The following NUP98 variants were observed in gnomAD, a reference collection of about 807,000 sequenced individuals.
The protein encoded by NUP98 is nucleoporin 98 and 96 precursor.
Under a neutral mutation model 191.9 loss-of-function variants are expected in NUP98, and 26 were observed. The ratio of observed to expected loss-of-function variants is 0.14; its 90% CI spans 0.10 to 0.19. The LOEUF (loss-of-function observed/expected upper bound fraction) is 0.19, where lower values mean the gene tolerates loss of function less well. Ranked by LOEUF, NUP98 falls within the 10% of genes least tolerant of loss-of-function variation. The probability of loss-of-function intolerance (pLI) is 1.00; values close to 1 mark genes in which losing one functional copy is unlikely to be tolerated. For synonymous variants in NUP98, 808 were observed against 778.4 expected (o/e 1.04, Z -0.63); for missense variants, 1,941 against 2,178.8 (o/e 0.89, Z 2.17).
chr11:3,780,959 C>T (rs1038290869), intron 2 of NUP98, among the ~76,000 whole-genome samples: 2 of 151,244 alleles, frequency 1.3e-5, no homozygotes, highest in Admixed American at 6.6e-5. Flanking sequence ...ATACACCTGT[C>T]ATCCCAGCTA....
At chr11:3,782,182 C>A in intron 1 of NUP98, 37 bp from the exon 2 acceptor site, 1 of 1,103,240 alleles carries the variant, frequency 9.1e-7, no homozygotes, top group East Asian at 2.4e-5. Context: ...TCTTAAAGAC[C>A]ACAAAATGGA....
intron 1 of NUP98, among the ~76,000 whole-genome samples, chr11:3,786,078 A>AT (rs2082131016): frequency 6.6e-6 from 1 of 152,178 alleles, no homozygotes; most frequent in African/African-American, 2.4e-5. Context: ...CGATGTAGGT[A>AT]TTTTTATCTC....
intron 1 of NUP98, among the ~76,000 whole-genome samples, chr11:3,792,659 G>A (rs1403129075): frequency 6.6e-6 from 1 of 151,990 alleles, no homozygotes; most frequent in Non-Finnish European, 1.5e-5. Flanking sequence ...AAGAAGATCT[G>A]CATAACTCAG....
rs2077789757 is a variant in NUP98, at chr11:3,675,809, T to C, written c.*350A>G. On this transcript the variant is annotated 3_prime_UTR_variant, in exon 33 of 33. Transcript: ENST00000324932. ...GCCAGGGTAGGAGTAGGGAAGCTGGTTGGCATGGAGGGTCACAAGATCCAG... is the reference window on the plus strand; with the variant it reads ...GCCAGGGTAGGAGTAGGGAAGCTGGCTGGCATGGAGGGTCACAAGATCCAG... 2 of 391,888 alleles carry C rather than the reference T, an allele frequency of 5.1e-6. No homozygotes were observed. Among genetic ancestry groups the C allele is most frequent in the East Asian group, 4.4e-5 (1 of 22,860 alleles). The allele number at this position is 391,888 out of a possible 1,614,324, so 24.3% of individuals were successfully genotyped here.
chr11:3,793,803 T>C (rs1386967750), intron 1 of NUP98, among the ~76,000 whole-genome samples: 1 of 151,746 alleles, frequency 6.6e-6, no homozygotes, highest in Non-Finnish European at 1.5e-5. Flanking sequence ...AAAGCCTGTC[T>C]CTACTAAAAA....
chr11:3,701,068 A>C (rs1295631648), intron 23 of NUP98, among the ~76,000 whole-genome samples: 1 of 152,200 alleles, frequency 6.6e-6, no homozygotes, highest in East Asian at 1.9e-4. Context: ...TTCTTAGGCC[A>C]GGTTATAACA....
At position 3,735,294 on chromosome 11, in the gene NUP98, T is replaced by G; in HGVS notation, c.1439A>C (p.Gln480Pro). Residue 480 changes from glutamine (Q) to proline (P), a missense_variant, in exon 13 of 33, where the codon CAG becomes CCG. Physicochemically the swap from Gln to Pro is moderately conservative, Grantham distance 76. Around this residue, in one of 6 missense-constraint regions of NUP98, gnomAD observed 453 missense variants for 438.2 expected, o/e 1.03. Coordinates refer to ENST00000324932, the MANE Select transcript of NUP98 (RefSeq NM_016320.5). ...GATGTGCTGCTGGAGAACAGCCTGC[T>G]GGGCAGCAGAAGCATTTGGATCTGT... ...ALTDPNASAA[Q>P]QAVLQQHINS... 6.4e-7 allele frequency: 1 copy of G among 1,567,312 alleles called. No homozygotes were observed. The highest frequency in any genetic ancestry group is 8.7e-7 in the Non-Finnish European group (1 of 1,154,698).
Position 3,706,431 on chromosome 11 carries a change from G to T in NUP98, c.2925+14C>A, listed in dbSNP as rs2060799. ...TTGGCTTTCTGTTACAAAAAAGGTG[G>T]GTTAGAACTTCACCTGTAAGACATG... On this transcript the variant is annotated intron_variant, in intron 21 of 32. Transcript: ENST00000324932. 0.056 allele frequency: 91,041 copies of T among 1,612,238 alleles called. 3,074 individuals carry two copies. The highest frequency in any genetic ancestry group is 0.12 in the African/African-American group (8,714 of 74,928).
chr11:3,774,709 A>G (rs1376022474), intron 5 of NUP98, among the ~76,000 whole-genome samples: 1 of 148,576 alleles, frequency 6.7e-6, no homozygotes, highest in African/African-American at 2.4e-5. Context: ...TCTGTCTCCA[A>G]AAAAAAAAAA....
chr11:3,735,226 G>T lies in NUP98; in HGVS notation c.1507C>A (p.Arg503=), dbSNP rs765060054. The change falls in exon 13 of 33, where the codon CGG becomes AGG. Residue 503 remains arginine, a synonymous_variant. Transcript: ENST00000324932. ...YSPFGDSPLF[R]NPMSDPKKKE... is the part of the protein sequence containing the mutation. The stretch of plus-strand genomic sequence containing the variant: ...TTCTTAGGGTCTGACATCGGATTCC[G>T]GAAGAGAGGAGAGTCTCCAAAAGGT... 3.1e-6 allele frequency: 5 copies of T among 1,599,256 alleles called. No individual in the cohort carries two copies. The highest frequency in any genetic ancestry group is 4.3e-6 in the Non-Finnish European group (5 of 1,171,056).
chr11:3,782,032 A>G lies in NUP98; in HGVS notation c.76+10T>C. On this transcript the variant is annotated intron_variant, in intron 2 of 32. Coordinates refer to ENST00000324932, the MANE Select transcript of NUP98 (RefSeq NM_016320.5). The stretch of plus-strand genomic sequence containing the variant: ...GGTTTCTCCCTCTTTTGTCCTTTTT[A>G]AAAACTTACTCTGTCCAAATGTTGA... The G allele has an allele frequency of 1.2e-6, 2 of 1,603,770 alleles. No individual in the cohort carries two copies. The highest frequency in any genetic ancestry group is 1.7e-6 in the Non-Finnish European group (2 of 1,172,630).
In NUP98 at chr11:3,675,652, T is replaced by C. The variant is rs544441434; in HGVS notation, c.*507A>G. On this transcript the variant is annotated 3_prime_UTR_variant, in exon 33 of 33. Transcript: ENST00000324932. ...TTTCCTAACTCAGGCCAACCCTCCT[T>C]TGCCTCCAAAATTCAGTGTTAACTA... 1.3e-5 allele frequency: 3 copies of C among 239,830 alleles called. No homozygotes were observed. Among genetic ancestry groups the C allele is most frequent in the South Asian group, 2.9e-4 (2 of 7,002 alleles). 14.9% of individuals were successfully genotyped at this position (239,830 alleles called of 1,614,324 possible). A position where few individuals can be genotyped will look rare whatever the true frequency, so the allele number is the denominator to read the frequency against.
At chr11:3,766,253 T>C (rs1174857149) in intron 8 of NUP98, among the ~76,000 whole-genome samples, 1 of 151,828 alleles carries the variant, frequency 6.6e-6, no homozygotes, top group Admixed American at 6.6e-5. Flanking sequence ...TGCACGCCTG[T>C]AGTCCCAGCT....
Position 3,775,926 on chromosome 11 carries a change from T to C in NUP98, c.451A>G (p.Ser151Gly), listed in dbSNP as rs767910022. ...GSTSGSLFGP[S>G]SFTAAPTGTT... ...CCAGTAGGAGCAGCTGTAAAACTAC[T>C]TGGCCCAAAGAGGGAGCCAGATGTG... is the stretch of plus-strand genomic sequence containing the variant. The change falls in exon 5 of 33, where the codon AGT becomes GGT. Residue 151 changes from serine (S) to glycine (G), a missense_variant. Physicochemically the swap from Ser to Gly is moderately conservative, Grantham distance 56. Transcript: ENST00000324932. 4 of 1,613,940 alleles carry C rather than the reference T, an allele frequency of 2.5e-6. No individual in the cohort carries two copies. The highest frequency in any genetic ancestry group is 1.7e-5 in the Admixed American group (1 of 60,004).
chr11:3,700,584 A>T, intron 24 of NUP98, 26 bp downstream of exon 24: 1 of 1,507,990 alleles, frequency 6.6e-7, no homozygotes, highest in South Asian at 1.2e-5. Context: ...GGGACATCAA[A>T]CATTAGAAAC....
chr11:3,723,340 C>T lies in NUP98; in HGVS notation c.1963G>A (p.Glu655Lys). Residue 655 changes from glutamate to lysine, a missense_variant, in exon 16 of 33, where the codon GAA becomes AAA. Coordinates refer to ENST00000324932, the MANE Select transcript of NUP98 (RefSeq NM_016320.5). ...TTGCTGTGTTTATTTCCAGCACTTT[C>T]TGGGGTTTGAGGAATAGGTTTGGCA... is the stretch of plus-strand genomic sequence containing the variant. ...PIAKPIPQTP[E>K]SAGNKHSNSN... 6.2e-7 allele frequency: 1 copy of T among 1,614,014 alleles called. No homozygotes were observed. The highest frequency in any genetic ancestry group is 8.5e-7 in the Non-Finnish European group (1 of 1,180,004).
chr11:3,700,929 G>T, intron 23 of NUP98, 90 bp from the exon 24 acceptor site: 1 of 848,962 alleles, frequency 1.2e-6, no homozygotes, highest in Non-Finnish European at 1.8e-6. Flanking sequence ...TTCTTTTTAT[G>T]ATTACAAACG....
chr11:3,697,860 C>T lies in NUP98; in HGVS notation c.4009+1222G>A, dbSNP rs2078561585. Among the ~76,000 whole-genome samples the T allele has an allele frequency of 4.8e-5, 7 of 145,548 alleles. No individual in the cohort carries two copies. The Admixed American group carries it at 4.8e-4, about 10-fold the overall frequency. ...AAAAAAAAAAAGATTTATATCTAGG[C>T]AGTCATTAAGTACTTGCTGAATTGC... On this transcript the variant is annotated intron_variant, in intron 25 of 32. Coordinates refer to ENST00000324932, the MANE Select transcript of NUP98 (RefSeq NM_016320.5).
chr11:3,731,230 C>T (rs2079834958), intron 14 of NUP98, among the ~76,000 whole-genome samples, 161 bp downstream of exon 14: 2 of 151,524 alleles, frequency 1.3e-5, no homozygotes, highest in Non-Finnish European at 2.9e-5. Context: ...TGCCATTGCA[C>T]TCCAGCCTGG....
Sources: gnomAD v4.1 joint callset for allele counts (sites outside exome capture counted in the v4.1 genomes callset) on GRCh38, gnomAD v4.1.1 for gene constraint, gnomAD v4.1.1 regional missense constraint, MANE v1.5 for transcripts, NCBI Gene and HGNC (gene_info 2026-07-23, HGNC 2026-07-21) for gene names.